Variants in CD86 observed in about 807,000 individuals in gnomAD.
CD86 encodes CD86 molecule, also known as T-lymphocyte activation antigen CD86.
In CD86, 11 loss-of-function variants were observed where a neutral mutation model predicts 32.1. The observed-to-expected ratio is 0.34, with a 90% CI of 0.22 to 0.57. The LOEUF is 0.57. Among genes scored for constraint, CD86 ranks in the 20% least tolerant of loss-of-function variants. The pLI, the probability that CD86 is intolerant of heterozygous loss-of-function variation, is 0.86. For missense variants in CD86, 359 were observed against 398.4 expected (o/e 0.90, Z 0.84); for synonymous variants, 137 against 135.3 (o/e 1.01, Z -0.09).
chr3:122,094,602 C>T (rs1352510503), intron 2 of CD86, among the ~76,000 whole-genome samples: 1 of 152,174 alleles, frequency 6.6e-6, no homozygotes, highest in Non-Finnish European at 1.5e-5. Context: ...AGCCACAGGG[C>T]CGGCTTCCAA....
intron 1 of CD86, among the ~76,000 whole-genome samples, chr3:122,080,386 T>C (rs2072615521): frequency 1.3e-5 from 2 of 152,192 alleles, no homozygotes; most frequent in Non-Finnish European, 2.9e-5. Context: ...CTCGGAGAAC[T>C]AGGCGTGTCT....
intron 1 of CD86, among the ~76,000 whole-genome samples, chr3:122,069,074 T>A (rs1559898205): frequency 6.6e-6 from 1 of 152,178 alleles, no homozygotes; most frequent in South Asian, 2.1e-4. Context: ...CATGAGGATA[T>A]CATACATAAC....
intron 3 of CD86, 121 bp from the exon 4 acceptor site, chr3:122,106,077 C>A: frequency 1.5e-6 from 1 of 678,564 alleles, no homozygotes; most frequent in Non-Finnish European, 2.4e-6. Context: ...ACATTTTAGA[C>A]ACCCTGAGGC....
intron 1 of CD86, among the ~76,000 whole-genome samples, chr3:122,086,025 A>T (rs993582782): frequency 1.3e-5 from 2 of 152,134 alleles, no homozygotes; most frequent in Admixed American, 1.3e-4. Flanking sequence ...ACCTCACAAG[A>T]AGCCAAGGAC....
chr3:122,061,027 T>C (rs2072325509), intron 1 of CD86, among the ~76,000 whole-genome samples: 1 of 152,202 alleles, frequency 6.6e-6, no homozygotes, highest in Non-Finnish European at 1.5e-5. Context: ...GGCAGGAATA[T>C]GATAAGCCAA....
At chr3:122,114,826 G>T (rs1478197256) in intron 5 of CD86, among the ~76,000 whole-genome samples, 1 of 152,074 alleles carries the variant, frequency 6.6e-6, no homozygotes, top group East Asian at 1.9e-4. Context: ...GTTTTAAATG[G>T]AAAGAAAAGC....
At position 122,086,905 on chromosome 3, in the gene CD86, C is replaced by G. The variant is rs368147321; in HGVS notation, c.15-4696C>G. 0.013 allele frequency among the ~76,000 whole-genome samples: 490 copies of G among 37,090 alleles called. 13 individuals are homozygous for G. The South Asian group carries it at 0.23, about 18-fold the overall frequency. 24.3% of individuals were successfully genotyped at this position (37,090 alleles called of 152,430 possible). Reference sequence around the variant, plus strand: ...GCAAAAACTGGTTGGCATTTTTAAACGTGCTACACCAGTGTGTGAAAGAAA... The same window carrying G: ...GCAAAAACTGGTTGGCATTTTTAAAGGTGCTACACCAGTGTGTGAAAGAAA... On this transcript the variant is annotated intron_variant, in intron 1 of 6. Coordinates refer to ENST00000330540, the MANE Select transcript of CD86 (RefSeq NM_175862.5).
intron 5 of CD86, among the ~76,000 whole-genome samples, chr3:122,116,854 G>A (rs536834634): frequency 1.3e-5 from 2 of 152,262 alleles, no homozygotes; most frequent in East Asian, 3.9e-4. Context: ...ACTATTTTAA[G>A]TAGATTCATG....
At chr3:122,085,174 A>C (rs561971904) in intron 1 of CD86, among the ~76,000 whole-genome samples, 1 of 152,218 alleles carries the variant, frequency 6.6e-6, no homozygotes, top group Non-Finnish European at 1.5e-5. Context: ...CAAATGAATG[A>C]ATGAGTAATA....
At position 122,103,503 on chromosome 3, in the gene CD86, C is replaced by CT. The variant is rs752867412; in HGVS notation, c.65-3dup. 1.3e-5 allele frequency: 21 copies of CT among 1,592,058 alleles called. No individual in the cohort carries two copies. The highest frequency in any genetic ancestry group is 1.7e-4 in the Middle Eastern group (1 of 5,962). ...TTCTCCCTCCCTAATCCTTAACCTT[C>CT]TTTTTTAGGTGCTGCTCCTCTGAAG... is the stretch of plus-strand genomic sequence containing the variant. On this transcript the variant is annotated splice_polypyrimidine_tract_variant and intron_variant, in intron 2 of 6. Transcript: ENST00000330540.
chr3:122,091,688 A>C (rs1317213306), intron 2 of CD86, 38 bp downstream of exon 2: 1 of 1,558,410 alleles, frequency 6.4e-7, no homozygotes, highest in South Asian at 1.1e-5. Flanking sequence ...CTGGAATCCT[A>C]CTGTCTCCTG....
rs9282649 is a variant in CD86, at chr3:122,119,475, C to G, written c.931C>G (p.Gln311Glu). 1.1e-5 allele frequency: 17 copies of G among 1,611,686 alleles called. No individual in the cohort carries two copies. The Admixed American group carries it at 1.3e-4, about 13-fold the overall frequency. Residue 311 changes from glutamine (Q) to glutamate (E), a missense_variant, in exon 7 of 7, where the codon CAG (glutamine) becomes GAG (glutamate). Physicochemically the swap from Gln to Glu is conservative, Grantham distance 29. Transcript: ENST00000330540. ...IHIPERSDEA[Q>E]RVFKSSKTSS... The stretch of plus-strand genomic sequence containing the variant: ...TATACCTGAAAGATCTGATGAAGCC[C>G]AGCGTGTTTTTAAAAGTTCGAAGAC...
At chr3:122,095,911 G>A (rs540045245) in intron 2 of CD86, among the ~76,000 whole-genome samples, 73 of 152,290 alleles carry the variant, frequency 4.8e-4, no homozygotes, top group Admixed American at 2.0e-3. Flanking sequence ...GGGAGCAAGA[G>A]TGAAATTGGT....
At chr3:122,098,982 G>A (rs187710612) in intron 2 of CD86, among the ~76,000 whole-genome samples, 295 of 152,340 alleles carry the variant, frequency 1.9e-3, no homozygotes, top group Non-Finnish European at 2.5e-3. Flanking sequence ...CCAGCAGGAA[G>A]TTGAATACAG....
intron 1 of CD86, among the ~76,000 whole-genome samples, chr3:122,080,891 C>T (rs184924701): frequency 1.5e-4 from 23 of 152,290 alleles, no homozygotes; most frequent in Admixed American, 1.2e-3. Context: ...TCCATCGAGG[C>T]AGCCCTCACA....
chr3:122,071,845 T>C (rs1310124026), intron 1 of CD86, among the ~76,000 whole-genome samples: 1 of 151,112 alleles, frequency 6.6e-6, no homozygotes, highest in Non-Finnish European at 1.5e-5. Flanking sequence ...CATTTAGCAT[T>C]AGGAGGTAAA....
At chr3:122,090,740 C>T (rs868114379) in intron 1 of CD86, among the ~76,000 whole-genome samples, 2 of 151,982 alleles carry the variant, frequency 1.3e-5, no homozygotes, top group Non-Finnish European at 1.5e-5. Flanking sequence ...AGGGTAAGTG[C>T]GTGGGTAGTG....
intron 1 of CD86, among the ~76,000 whole-genome samples, chr3:122,077,118 C>T (rs2072566314): frequency 6.6e-6 from 1 of 152,156 alleles, no homozygotes; most frequent in Non-Finnish European, 1.5e-5. Flanking sequence ...AGCTCAAGTG[C>T]CACAGACCTC....
intron 1 of CD86, among the ~76,000 whole-genome samples, chr3:122,082,830 C>T (rs2072653233): frequency 6.6e-6 from 1 of 152,168 alleles, no homozygotes. Flanking sequence ...GCCATCTGCA[C>T]AGCATAAGTT....
Sources: allele counts gnomAD v4.1 joint callset (sites outside exome capture counted in the v4.1 genomes callset), GRCh38; gene constraint gnomAD v4.1.1; transcripts MANE v1.5; gene names NCBI Gene and HGNC (gene_info 2026-07-23, HGNC 2026-07-21).